PDE4B: variants seen among roughly 807,000 people sequenced by gnomAD.
The protein encoded by PDE4B is 3',5'-cyclic-AMP phosphodiesterase 4B.
PDE4B carries 20 observed loss-of-function variants against 82.2 expected under a neutral mutation model. The observed-to-expected ratio is 0.24, with a 90% CI of 0.17 to 0.35. PDE4B has a LOEUF of 0.35. Among genes scored for constraint, PDE4B ranks in the 10% least tolerant of loss-of-function variants. The pLI is 1.00. For missense variants in PDE4B, 655 were observed against 907.2 expected (o/e 0.72, Z 3.57); for synonymous variants, 320 against 318.9 (o/e 1.00, Z -0.04).
chr1:66,156,221 G>T (rs1271418919), intron 3 of PDE4B, among the ~76,000 whole-genome samples: 1 of 152,052 alleles, frequency 6.6e-6, no homozygotes, highest in Non-Finnish European at 1.5e-5. Context: ...AACCTAAAAG[G>T]GTGAGTTCAT....
At chr1:66,146,285 G>A (rs1196230388) in intron 3 of PDE4B, among the ~76,000 whole-genome samples, 3 of 137,682 alleles carry the variant, frequency 2.2e-5, no homozygotes, top group Non-Finnish European at 3.1e-5. Flanking sequence ...CCAGGTTCAC[G>A]CCATTCTCCT....
At chr1:66,294,497 A>G (rs548095505) in intron 7 of PDE4B, among the ~76,000 whole-genome samples, 1 of 152,322 alleles carries the variant, frequency 6.6e-6, no homozygotes, top group South Asian at 2.1e-4. Flanking sequence ...AGTCTTCACT[A>G]TCTTCGTAGC....
intron 3 of PDE4B, among the ~76,000 whole-genome samples, chr1:65,985,212 A>G (rs527265293): frequency 1.9e-3 from 296 of 152,280 alleles, no homozygotes; most frequent in African/African-American, 6.9e-3. Context: ...TTAATTTAGG[A>G]AAATATTGTC....
intron 8 of PDE4B, among the ~76,000 whole-genome samples, chr1:66,350,345 T>C (rs545298709): frequency 6.6e-6 from 1 of 152,092 alleles, no homozygotes; most frequent in African/African-American, 2.4e-5. Flanking sequence ...CAAGAGTAAC[T>C]AACTGCTGGG....
chr1:66,142,269 T>C (rs1646188221), intron 3 of PDE4B, among the ~76,000 whole-genome samples: 1 of 152,118 alleles, frequency 6.6e-6, no homozygotes, highest in East Asian at 1.9e-4. Context: ...TTTAAACCTG[T>C]ATCGTTCATG....
intron 1 of PDE4B, among the ~76,000 whole-genome samples, chr1:65,828,818 T>A (rs1646048663): frequency 6.6e-6 from 1 of 152,008 alleles, no homozygotes; most frequent in Non-Finnish European, 1.5e-5. Flanking sequence ...AATTAATAAG[T>A]CAATTTAGGA....
chr1:66,265,056 A>G (rs1654937828), intron 6 of PDE4B, among the ~76,000 whole-genome samples: 1 of 152,222 alleles, frequency 6.6e-6, no homozygotes, highest in Admixed American at 6.5e-5. Context: ...GGAGCAGAGA[A>G]TCCTTAATGC....
At chr1:65,916,814 G>C (rs547275661) in intron 2 of PDE4B, among the ~76,000 whole-genome samples, 1 of 151,992 alleles carries the variant, frequency 6.6e-6, no homozygotes, top group Non-Finnish European at 1.5e-5. Context: ...CAATGGATTT[G>C]ATATAATAAC....
chr1:66,282,155 C>T (rs1028547173), intron 7 of PDE4B, among the ~76,000 whole-genome samples: 19 of 152,190 alleles, frequency 1.2e-4, no homozygotes, highest in African/African-American at 4.3e-4. Flanking sequence ...TCTTCAGCAA[C>T]ATTTAATCTG....
Position 66,122,708 on chromosome 1 carries a change from T to C in PDE4B, c.282-124752T>C, listed in dbSNP as rs200683572. Among the ~76,000 whole-genome samples, 49 of 145,874 alleles carry C rather than the reference T, an allele frequency of 3.4e-4. No individual in the cohort carries two copies. In the East Asian group the frequency reaches 4.9e-3, roughly 15 times the overall value. On this transcript the variant is annotated intron_variant, in intron 3 of 16. Transcript: ENST00000341517. ...TTTTTTCTTTCTCTTCTTTTCTTTT[T>C]TTTTTTTTTTTTTTGAGACAGAGTT...
intron 3 of PDE4B, among the ~76,000 whole-genome samples, chr1:66,092,467 G>A (rs1348645166): frequency 6.6e-6 from 1 of 151,980 alleles, no homozygotes; most frequent in South Asian, 2.1e-4. Context: ...GGACCTATTA[G>A]GTACCAGGTT....
intron 6 of PDE4B, among the ~76,000 whole-genome samples, chr1:66,263,657 G>C (rs961591479): frequency 1.3e-5 from 2 of 152,160 alleles, no homozygotes; most frequent in Non-Finnish European, 2.9e-5. Flanking sequence ...AATATGGACT[G>C]TAACATGAAG....
intron 7 of PDE4B, among the ~76,000 whole-genome samples, chr1:66,273,619 T>A (rs1245114366): frequency 1.3e-5 from 2 of 152,272 alleles, no homozygotes; most frequent in Admixed American, 6.5e-5. Context: ...TCATACTGTA[T>A]TGTAATTATT....
At chr1:66,273,078 T>C (rs941028183) in intron 7 of PDE4B, among the ~76,000 whole-genome samples, 3 of 152,104 alleles carry the variant, frequency 2.0e-5, no homozygotes, top group Non-Finnish European at 4.4e-5. Context: ...TAAACCCCAG[T>C]TATGGTTACA....
intron 1 of PDE4B, among the ~76,000 whole-genome samples, 185 bp downstream of exon 1, chr1:65,793,433 A>G (rs1486850390): frequency 1.3e-5 from 2 of 152,186 alleles, no homozygotes; most frequent in South Asian, 2.1e-4. Flanking sequence ...AAATCCGCCA[A>G]CCGGCCCCTA....
chr1:66,174,257 T>C (rs1646890445), intron 3 of PDE4B, among the ~76,000 whole-genome samples: 1 of 152,206 alleles, frequency 6.6e-6, no homozygotes, highest in Non-Finnish European at 1.5e-5. Flanking sequence ...TTATGAACTC[T>C]AGGGGAAATC....
At chr1:66,069,554 G>T (rs901169565) in intron 3 of PDE4B, among the ~76,000 whole-genome samples, 1 of 151,926 alleles carries the variant, frequency 6.6e-6, no homozygotes, top group African/African-American at 2.4e-5. Context: ...ATTATCTACA[G>T]TTCTGTCTTT....
At chr1:66,336,716 AAGAT>A (rs3071522) in intron 8 of PDE4B, among the ~76,000 whole-genome samples, 83,773 of 151,834 alleles carry the variant, frequency 0.55, 23,884 homozygotes, top group East Asian at 0.81. Flanking sequence ...ATAGAAATGG[AAGAT>A]AGATGGTCCT....
At chr1:66,125,362 C>A (rs1198193286) in intron 3 of PDE4B, among the ~76,000 whole-genome samples, 3 of 152,098 alleles carry the variant, frequency 2.0e-5, no homozygotes, top group Non-Finnish European at 4.4e-5. Flanking sequence ...TGGGGTTTCA[C>A]CATGTTGGTC....
Sources: gnomAD v4.1 joint callset for allele counts (sites outside exome capture counted in the v4.1 genomes callset) on GRCh38, gnomAD v4.1.1 for gene constraint, MANE v1.5 for transcripts, NCBI Gene and HGNC (gene_info 2026-07-23, HGNC 2026-07-21) for gene names.